The following PYROXD1 variants were observed in gnomAD, a reference collection of about 807,000 sequenced individuals.
The protein encoded by PYROXD1 is tRNA ligase complex-associated NAD(P)H dehydrogenase PYROXD1.
Under a neutral mutation model 62.0 loss-of-function variants are expected in PYROXD1, and 42 were observed. The ratio of observed to expected loss-of-function variants is 0.68; its 90% confidence interval spans 0.53 to 0.88. The LOEUF (loss-of-function observed/expected upper bound fraction) is 0.88. PYROXD1 is among the 40% of genes least tolerant of loss of function. The pLI is 0.00. For synonymous variants in PYROXD1, 170 were observed against 206.4 expected, an observed-to-expected ratio of 0.82 and a Z score of 1.51; for missense variants, 493 against 604.8, an observed-to-expected ratio of 0.82 and a Z score of 1.94.
At chr12:21,440,318 G>A in intron 1 of PYROXD1, 50 bp from the exon 2 acceptor site, 1 of 1,011,788 alleles carries the variant, frequency 9.9e-7, no homozygotes, top group Non-Finnish European at 1.5e-6. Context: ...ATATATACCA[G>A]TACTTAAAGT....
intron 11 of PYROXD1, 93 bp from the exon 12 acceptor site, chr12:21,468,413 T>A (rs1040365826): frequency 1.6e-5 from 19 of 1,205,676 alleles, no homozygotes; most frequent in Non-Finnish European, 2.1e-5. Flanking sequence ...TGGCATAAGT[T>A]TTCTGCGGCT....
At chr12:21,441,539 T>C (rs894724369) in intron 2 of PYROXD1, among the ~76,000 whole-genome samples, 2 of 152,196 alleles carry the variant, frequency 1.3e-5, no homozygotes, top group African/African-American at 2.4e-5. Context: ...TTTTCTTCTG[T>C]GTGATCAGTT....
intron 2 of PYROXD1, among the ~76,000 whole-genome samples, chr12:21,442,825 T>G (rs956968197): frequency 5.3e-5 from 8 of 152,244 alleles, no homozygotes; most frequent in Non-Finnish European, 1.0e-4. Context: ...CCCCACCATG[T>G]GGCTGATACT....
rs1942610707 is a variant in PYROXD1 at position 21,457,070 on chromosome 12, C to G, written c.750+975C>G. On this transcript the variant is annotated intron_variant, in intron 7 of 11. Coordinates refer to ENST00000240651, the MANE Select transcript of PYROXD1 (RefSeq NM_024854.5). ...TTCTCCATTGAAATCTTGAATCCCTCAAAGTCATCCATGAAGGTTGGAGTA... is the reference window on the plus strand; with the variant it reads ...TTCTCCATTGAAATCTTGAATCCCTGAAAGTCATCCATGAAGGTTGGAGTA... The G allele has an allele frequency of 3.0e-5, 9 of 297,632 alleles. 1 individual carries two copies. The highest frequency in any genetic ancestry group is 1.4e-4 in the South Asian group (5 of 35,798). 18.4% of individuals were successfully genotyped at this position (297,632 alleles called of 1,614,324 possible).
At chr12:21,459,899 A>C (rs11046068) in intron 7 of PYROXD1, among the ~76,000 whole-genome samples, 17,014 of 152,218 alleles carry the variant, frequency 0.11, 1,077 homozygotes, top group East Asian at 0.31. Flanking sequence ...ATTTTAAATT[A>C]ATCTTTTCTC....
intron 3 of PYROXD1, among the ~76,000 whole-genome samples, chr12:21,447,277 A>T (rs958823951): frequency 1.3e-5 from 2 of 152,206 alleles, no homozygotes; most frequent in Admixed American, 6.5e-5. Flanking sequence ...TTGAGAGAAA[A>T]AAGTACTGAA....
chr12:21,462,943 T>G, intron 10 of PYROXD1, 81 bp downstream of exon 10: 1 of 1,440,514 alleles, frequency 6.9e-7, no homozygotes, highest in South Asian at 1.4e-5. Context: ...AAATCCAACT[T>G]CTGGTTTTCC....
intron 4 of PYROXD1, among the ~76,000 whole-genome samples, chr12:21,449,942 C>T (rs1472744006): frequency 6.6e-6 from 1 of 151,284 alleles, no homozygotes; most frequent in Non-Finnish European, 1.5e-5. Context: ...ACTGCAAGCT[C>T]CGCCTCCCAG....
chr12:21,437,692 C>G lies in PYROXD1; in HGVS notation c.-39C>G, dbSNP rs373496176. 2 of 1,584,108 alleles carry G rather than the reference C, an allele frequency of 1.3e-6. No homozygotes were observed. The highest frequency in any genetic ancestry group is 1.7e-6 in the Non-Finnish European group (2 of 1,164,154). On this transcript the variant is annotated 5_prime_UTR_variant, in exon 1 of 12. Transcript: ENST00000240651. ...TCCTGGAGTCCAGAGTCCCGTTGCTCCGCCGCGATATTCAGTAAACCACTG... is the reference window on the plus strand; with the variant it reads ...TCCTGGAGTCCAGAGTCCCGTTGCTGCGCCGCGATATTCAGTAAACCACTG...
At chr12:21,448,057 C>T in intron 3 of PYROXD1, 1 of 543,574 alleles carries the variant, frequency 1.8e-6, no homozygotes, top group Non-Finnish European at 3.5e-6. Flanking sequence ...TCATTGGTTT[C>T]ATTCTCAGCA....
chr12:21,438,693 T>G (rs1297089617), intron 1 of PYROXD1, among the ~76,000 whole-genome samples: 1 of 152,250 alleles, frequency 6.6e-6, no homozygotes, highest in Non-Finnish European at 1.5e-5. Flanking sequence ...CATGTGTGTA[T>G]TCCAAAAAGT....
chr12:21,449,802 G>A, intron 4 of PYROXD1, 111 bp downstream of exon 4: 1 of 836,488 alleles, frequency 1.2e-6, no homozygotes. Context: ...GGAAATTTTT[G>A]TTTCATGACC....
At chr12:21,465,755 G>C (rs1452837659) in intron 10 of PYROXD1, among the ~76,000 whole-genome samples, 2 of 152,052 alleles carry the variant, frequency 1.3e-5, no homozygotes, top group Admixed American at 6.6e-5. Context: ...CCTATGTCCT[G>C]AATGGTATTG....
Position 21,470,863 on chromosome 12 carries a change from C to T in PYROXD1, c.*2109C>T, listed in dbSNP as rs1473645780. The T allele has an allele frequency of 1.3e-6, 1 of 779,080 alleles. No individual in the cohort carries two copies. The highest frequency in any genetic ancestry group is 1.8e-6 in the Non-Finnish European group (1 of 559,444). 48.3% of individuals were successfully genotyped at this position (779,080 alleles called of 1,614,324 possible). Reference sequence around the variant, plus strand: ...CCCAGAAATCTAATCAGAAAACTGACTTTTCTCATGTTCAACTGGACCTAG... The same window carrying T: ...CCCAGAAATCTAATCAGAAAACTGATTTTTCTCATGTTCAACTGGACCTAG... On this transcript the variant is annotated 3_prime_UTR_variant, in exon 12 of 12. Transcript: ENST00000240651.
chr12:21,439,255 T>G (rs1018732261), intron 1 of PYROXD1, among the ~76,000 whole-genome samples: 2 of 152,174 alleles, frequency 1.3e-5, no homozygotes, highest in Non-Finnish European at 2.9e-5. Context: ...GCTTGAAAGA[T>G]GATTAGTTAC....
At position 21,455,215 on chromosome 12, in the gene PYROXD1, A is replaced by G. The variant is rs757258737; in HGVS notation, c.572A>G (p.Glu191Gly). Reference protein sequence around the residue: ...GNTFFDAGAAEFLTSKLIAEK... With the variant: ...GNTFFDAGAAGFLTSKLIAEK... ...ACTTTCTTCGATGCAGGAGCAGCTGAATTCTTGACTTCAAAGCTCATTGCT... is the reference window on the plus strand; with the variant it reads ...ACTTTCTTCGATGCAGGAGCAGCTGGATTCTTGACTTCAAAGCTCATTGCT... Residue 191 changes from glutamate to glycine, a missense_variant, in exon 6 of 12, where the codon GAA becomes GGA. Transcript: ENST00000240651. 1.3e-6 allele frequency: 2 copies of G among 1,582,196 alleles called. No individual in the cohort carries two copies. The highest frequency in any genetic ancestry group is 1.7e-6 in the Non-Finnish European group (2 of 1,164,274).
At position 21,449,597 on chromosome 12, in the gene PYROXD1, A is replaced by T; in HGVS notation, c.320A>T (p.Tyr107Phe). 1 of 1,613,422 alleles carries T rather than the reference A, an allele frequency of 6.2e-7. No homozygotes were observed. The highest frequency in any genetic ancestry group is 8.5e-7 in the Non-Finnish European group (1 of 1,179,564). ...ACAGAAGATGGCAATCAGCACGTAT[A>T]TAAGAAACTCTGTCTGTGTGCTGGA... ...IVTEDGNQHV[Y>F]KKLCLCAGAK... Residue 107 changes from tyrosine to phenylalanine, a missense_variant, in exon 4 of 12, where the codon TAT (tyrosine) becomes TTT (phenylalanine). Physicochemically the swap from Tyr to Phe is conservative, Grantham distance 22 (BLOSUM62 3). Transcript: ENST00000240651.
In PYROXD1 at chr12:21,465,227, T is replaced by C. The variant is rs188712111; in HGVS notation, c.1117-2254T>C. Among the ~76,000 whole-genome samples the C allele has an allele frequency of 6.1e-3, 928 of 152,324 alleles. 14 individuals carry two copies. Among genetic ancestry groups the C allele is most frequent in the Non-Finnish European group, 7.1e-3 (485 of 68,028 alleles). ...GTCAAATGGTATTTCTAGTTCTAGA[T>C]CCCTGAGGAATCGCCACACCAACTT... On this transcript the variant is annotated intron_variant, in intron 10 of 11. Transcript: ENST00000240651.
intron 10 of PYROXD1, among the ~76,000 whole-genome samples, chr12:21,464,798 CAT>C (rs1440057921): frequency 2.0e-5 from 3 of 151,582 alleles, no homozygotes; most frequent in African/African-American, 7.3e-5. Context: ...CATATGTATA[CAT>C]GTGCCATGTT....
Sources: gnomAD v4.1 joint callset for allele counts (sites outside exome capture counted in the v4.1 genomes callset) on GRCh38, gnomAD v4.1.1 for gene constraint, MANE v1.5 for transcripts, NCBI Gene and HGNC (gene_info 2026-07-23, HGNC 2026-07-21) for gene names.